The following SLC5A5 variants were observed in gnomAD, a reference collection of about 807,000 sequenced individuals.
The protein encoded by SLC5A5 is solute carrier family 5 member 5.
SLC5A5 carries 56 observed loss-of-function variants against 68.6 expected under a neutral mutation model. That is an observed-to-expected ratio of 0.82 (90% CI 0.66 to 1.02). The LOEUF (loss-of-function observed/expected upper bound fraction) is 1.02. SLC5A5 is among the 50% of genes least tolerant of loss of function. The pLI is 0.00. For missense variants in SLC5A5, 807 were observed against 859.8 expected (o/e 0.94, Z 0.77); for synonymous variants, 398 against 373.0 (o/e 1.07, Z -0.77).
intron 7 of SLC5A5, among the ~76,000 whole-genome samples, chr19:17,879,514 A>C (rs1322516052): frequency 1.3e-5 from 2 of 152,120 alleles, no homozygotes; most frequent in African/African-American, 4.8e-5. Flanking sequence ...CCAACTTTAC[A>C]GATGAGGAAA....
intron 14 of SLC5A5, among the ~76,000 whole-genome samples, chr19:17,893,021 C>CTCT (rs10643521): frequency 0.24 from 35,655 of 145,550 alleles, 4,689 homozygotes; most frequent in African/African-American, 0.31. Flanking sequence ...CTTTCTCTCT[C>CTCT]TTTTTTTGTT....
intron 14 of SLC5A5, among the ~76,000 whole-genome samples, chr19:17,891,443 T>A (rs1281462264): frequency 1.3e-5 from 2 of 152,178 alleles, no homozygotes; most frequent in Non-Finnish European, 2.9e-5. Context: ...TGACCTCAAA[T>A]GATCCACCCA....
At chr19:17,875,243 G>A (rs1030992396) in intron 4 of SLC5A5, among the ~76,000 whole-genome samples, 3 of 152,176 alleles carry the variant, frequency 2.0e-5, no homozygotes, top group Non-Finnish European at 2.9e-5. Flanking sequence ...AGTGGCACGC[G>A]CCTGTAATCC....
intron 14 of SLC5A5, 108 bp downstream of exon 14, chr19:17,891,109 A>T (rs568265675): frequency 1.0e-5 from 8 of 763,642 alleles, no homozygotes; most frequent in African/African-American, 3.4e-5. Context: ...TCCATCGCTC[A>T]TTATCTCCAG....
intron 12 of SLC5A5, among the ~76,000 whole-genome samples, chr19:17,885,111 A>G (rs2094330366): frequency 6.6e-6 from 1 of 151,006 alleles, no homozygotes; most frequent in South Asian, 2.1e-4. Flanking sequence ...GGCTCAAGGA[A>G]TCTTCCTACC....
Position 17,872,643 on chromosome 19 carries a change from C to T in SLC5A5, c.324C>T (p.Val108=). The change falls in exon 1 of 15, where the codon GTC becomes GTT. Residue 108 remains valine (V), a synonymous_variant. Coordinates refer to ENST00000222248, the MANE Select transcript of SLC5A5 (RefSeq NM_000453.3). The part of the protein sequence containing the change: ...SVLTALLFMP[V]FYRLGLTSTY... Reference sequence around the variant, plus strand: ...TCACCGCCCTGCTCTTCATGCCCGTCTTCTACCGCCTGGGCCTCACCAGCA... The same window carrying T: ...TCACCGCCCTGCTCTTCATGCCCGTTTTCTACCGCCTGGGCCTCACCAGCA... The T allele has an allele frequency of 6.2e-7, 1 of 1,608,586 alleles. No individual in the cohort carries two copies. Among genetic ancestry groups the T allele is most frequent in the Non-Finnish European group, 8.5e-7 (1 of 1,177,938 alleles).
intron 1 of SLC5A5, 118 bp from the exon 2 acceptor site, chr19:17,874,020 C>A: frequency 1.3e-6 from 1 of 741,306 alleles, no homozygotes; most frequent in Non-Finnish European, 2.5e-6. Context: ...GTGCAAGAAT[C>A]TGGCGGGCGC....
chr19:17,888,286 AG>A, intron 12 of SLC5A5, 44 bp from the exon 13 acceptor site: 1 of 1,611,256 alleles, frequency 6.2e-7, no homozygotes, highest in Non-Finnish European at 8.5e-7. Context: ...GAGTGCAGGC[AG>A]GGGATAAAAG....
At chr19:17,874,643 G>C (rs769726104) in intron 3 of SLC5A5, 21 bp from the exon 4 acceptor site, 2 of 1,613,060 alleles carry the variant, frequency 1.2e-6, no homozygotes, top group African/African-American at 2.7e-5. Context: ...GGGCCTAACA[G>C]GGGGACCTCT....
chr19:17,874,427 C>T (rs1215270249), intron 2 of SLC5A5, 67 bp from the exon 3 acceptor site: 1 of 1,485,714 alleles, frequency 6.7e-7, no homozygotes, highest in African/African-American at 1.4e-5. Flanking sequence ...ACCCTTCTGC[C>T]TCCTCTCCCC....
At chr19:17,878,942 T>C (rs2094313994) in intron 7 of SLC5A5, among the ~76,000 whole-genome samples, 1 of 119,552 alleles carries the variant, frequency 8.4e-6, no homozygotes. Flanking sequence ...GCCATTGCAC[T>C]CCAGCCTGGG....
chr19:17,878,157 C>T (rs1461329448), intron 7 of SLC5A5, 64 bp downstream of exon 7: 2 of 1,559,932 alleles, frequency 1.3e-6, no homozygotes, highest in African/African-American at 1.4e-5. Context: ...GGATTGAGGT[C>T]GAAGAGCATT....
At position 17,883,883 on chromosome 19, in the gene SLC5A5, C is replaced by T. The variant is rs1208522870; in HGVS notation, c.1363C>T (p.Leu455=). 1.3e-6 allele frequency: 2 copies of T among 1,579,108 alleles called. No individual in the cohort carries two copies. Among genetic ancestry groups the T allele is most frequent in the South Asian group, 2.3e-5 (2 of 87,802 alleles). The change falls in exon 12 of 15, where the codon CTG becomes TTG. Residue 455 remains leucine (L), a synonymous_variant. Transcript: ENST00000222248. ...CGCGGGACTAGGCGCGGGCTTGGCG[C>T]TGTCGCTGTGGGTGGCCTTGGGCGC... ...VLAGLGAGLA[L]SLWVALGATL... is the part of the protein sequence containing the mutation.
At chr19:17,876,247 T>C in intron 5 of SLC5A5, 141 bp downstream of exon 5, 1 of 833,764 alleles carries the variant, frequency 1.2e-6, no homozygotes, top group Admixed American at 2.0e-5. Context: ...CTGGGCAACA[T>C]GGTGAAAACC....
At chr19:17,874,261 G>A in intron 2 of SLC5A5, 58 bp downstream of exon 2, 1 of 1,276,898 alleles carries the variant, frequency 7.8e-7, no homozygotes, top group Non-Finnish European at 1.1e-6. Flanking sequence ...GCCTTCACTA[G>A]CCCGGCCCCC....
chr19:17,889,533 A>G (rs1298618365), intron 13 of SLC5A5, among the ~76,000 whole-genome samples: 1 of 152,114 alleles, frequency 6.6e-6, no homozygotes, highest in Non-Finnish European at 1.5e-5. Flanking sequence ...GTGCAGTGGC[A>G]CAATCATGGC....
Position 17,875,961 on chromosome 19 carries a change from A to T in SLC5A5, c.553A>T (p.Lys185Ter). 6.2e-7 allele frequency: 1 copy of T among 1,614,078 alleles called. No individual in the cohort carries two copies. Among genetic ancestry groups the T allele is most frequent in the Non-Finnish European group, 8.5e-7 (1 of 1,179,986 alleles). The change falls in exon 5 of 15, where the codon AAG becomes TAG. Residue 185 changes from lysine (K) to a stop codon, truncating the protein, a stop_gained. Transcript: ENST00000222248. LOFTEE classifies it high-confidence loss of function. The stretch of plus-strand genomic sequence containing the variant: ...CTGTCCCATGCTGCAGGGCGGCATG[A>T]AGGCTGTGGTCTGGACTGATGTGTT... ...CTFYTAVGGMKAVVWTDVFQV... is the reference protein window; with the variant it reads ...CTFYTAVGGM
rs373536876 is a variant in SLC5A5 at position 17,891,018 on chromosome 19, G to C, written c.1767+17G>C. The C allele has an allele frequency of 3.2e-5, 49 of 1,549,556 alleles. No homozygotes were observed. The African/African-American group carries it at 5.8e-4, about 18-fold the overall frequency. On this transcript the variant is annotated intron_variant, in intron 14 of 14. Transcript: ENST00000222248. ...TTGGTCAAGGTCAGTCTTAGGCTGGGTTCCCAGATCTAGAGGCAGCCAAGT... is the reference window on the plus strand; with the variant it reads ...TTGGTCAAGGTCAGTCTTAGGCTGGCTTCCCAGATCTAGAGGCAGCCAAGT...
At chr19:17,877,681 C>G in intron 5 of SLC5A5, 42 bp from the exon 6 acceptor site, 2 of 1,612,276 alleles carry the variant, frequency 1.2e-6, no homozygotes, top group Non-Finnish European at 8.5e-7. Context: ...GTGAAGTCAG[C>G]GTGACATCTC....
Sources: allele counts gnomAD v4.1 joint callset (sites outside exome capture counted in the v4.1 genomes callset), GRCh38; gene constraint gnomAD v4.1.1; transcripts MANE v1.5; gene names NCBI Gene and HGNC (gene_info 2026-07-23, HGNC 2026-07-21).